The following TBCD variants were observed in gnomAD, a reference collection of about 807,000 sequenced individuals.
TBCD encodes tubulin-specific chaperone D.
Under a neutral mutation model 169.3 loss-of-function variants are expected in TBCD, and 105 were observed. The observed-to-expected ratio is 0.62, with a 90% CI of 0.53 to 0.73. TBCD has a LOEUF of 0.73. TBCD is among the 30% of genes least tolerant of loss of function. TBCD has a pLI of 0.00. For synonymous variants in TBCD, 700 were observed against 643.9 expected (o/e 1.09, Z -1.32); for missense variants, 1,444 against 1,600.1 (o/e 0.90, Z 1.66).
chr17:82,882,922 G>A (rs1231371797), intron 14 of TBCD, among the ~76,000 whole-genome samples: 1 of 152,146 alleles, frequency 6.6e-6, no homozygotes, highest in Admixed American at 6.5e-5. Flanking sequence ...GCGCTGCCAG[G>A]CTGGAGCGGG....
chr17:82,907,925 T>G, intron 21 of TBCD, 104 bp downstream of exon 21: 1 of 1,245,406 alleles, frequency 8.0e-7, no homozygotes, highest in Non-Finnish European at 1.1e-6. Context: ...TGGTGGCCAC[T>G]GTGCTCCATC....
chr17:82,850,531 T>C (rs959932501), intron 13 of TBCD, among the ~76,000 whole-genome samples: 3 of 98,838 alleles, frequency 3.0e-5, no homozygotes, highest in Non-Finnish European at 7.4e-5. Flanking sequence ...TTGGCTGTGC[T>C]GTTGTTAGCT....
At chr17:82,863,628 C>T (rs1300593607) in intron 13 of TBCD, among the ~76,000 whole-genome samples, 1 of 152,146 alleles carries the variant, frequency 6.6e-6, no homozygotes, top group African/African-American at 2.4e-5. Context: ...GGACCCAGTG[C>T]CCTCCCAAAA....
chr17:82,797,669 A>C (rs1312213440), intron 7 of TBCD, 88 bp from the exon 8 acceptor site: 6 of 982,574 alleles, frequency 6.1e-6, no homozygotes, highest in Middle Eastern at 2.3e-4. Flanking sequence ...ATTCTGAAAG[A>C]TGTGATGAAT....
At position 82,920,631 on chromosome 17, in the gene TBCD, G is replaced by C. The variant is rs766258155; in HGVS notation, c.2101+13G>C. 5 of 1,538,126 alleles carry C rather than the reference G, an allele frequency of 3.3e-6. No individual in the cohort carries two copies. The highest frequency in any genetic ancestry group is 4.4e-6 in the Non-Finnish European group (5 of 1,141,756). ...GACACCGTAATTGGTAAGTGCTTTTGTTTTTAATAATAGCATTTTCTTACA... is the reference window on the plus strand; with the variant it reads ...GACACCGTAATTGGTAAGTGCTTTTCTTTTTAATAATAGCATTTTCTTACA... On this transcript the variant is annotated intron_variant, in intron 24 of 38. Coordinates refer to ENST00000355528, the MANE Select transcript of TBCD (RefSeq NM_005993.5). This position sits in a 1 kb window ranked among gnomAD's most constrained non-coding sequence, Gnocchi z 4.1.
Position 82,944,999 on chromosome 17 carries a change from T to TTTGA in TBCD, c.*2541_*2544dup. ...TCCCCAAAACTCCTAAAGTGGAAAATTTGATTGACTTGGCCCTGACCAGTG... is the reference window on the plus strand; with the variant it reads ...TCCCCAAAACTCCTAAAGTGGAAAATTTGATTGATTGACTTGGCCCTGACCAGTG... On this transcript the variant is annotated 3_prime_UTR_variant, in exon 39 of 39. Transcript: ENST00000355528. 6.6e-6 allele frequency: 1 copy of TTTGA among 152,286 alleles called. No homozygotes were observed. Among genetic ancestry groups the TTTGA allele is most frequent in the South Asian group, 2.1e-4 (1 of 4,820 alleles). 9.4% of individuals were successfully genotyped at this position (152,286 alleles called of 1,614,324 possible). A position where few individuals can be genotyped will look rare whatever the true frequency, so the allele number is the denominator to read the frequency against.
In TBCD at chr17:82,923,799, TG is replaced by T; in HGVS notation, c.2260+69del. 7.1e-7 allele frequency: 1 copy of T among 1,402,138 alleles called. No individual in the cohort carries two copies. The highest frequency in any genetic ancestry group is 9.8e-7 in the Non-Finnish European group (1 of 1,023,548). 86.9% of individuals were successfully genotyped at this position (1,402,138 alleles called of 1,614,324 possible). On this transcript the variant is annotated intron_variant, in intron 26 of 38. Coordinates refer to ENST00000355528, the MANE Select transcript of TBCD (RefSeq NM_005993.5). This position sits in a 1 kb window ranked among gnomAD's most constrained non-coding sequence, Gnocchi z 4.6. ...CAGCAGGAAGCTGCTGGGGAGTGTC[TG>T]GGCACGGAGGAGGCCTCGGTTGTGC...
chr17:82,916,230 A>G (rs896213417), intron 23 of TBCD, among the ~76,000 whole-genome samples: 13 of 151,942 alleles, frequency 8.6e-5, no homozygotes, highest in African/African-American at 2.9e-4. Context: ...GTTTATACCA[A>G]AATGGCTTTT....
intron 9 of TBCD, among the ~76,000 whole-genome samples, chr17:82,803,227 C>G (rs934052749): frequency 6.6e-6 from 1 of 152,170 alleles, no homozygotes. Flanking sequence ...CAGCTCTTTT[C>G]CTCCAGGGAT....
Position 82,942,557 on chromosome 17 carries a change from C to G in TBCD, c.*94C>G. On this transcript the variant is annotated 3_prime_UTR_variant, in exon 39 of 39. Coordinates refer to ENST00000355528, the MANE Select transcript of TBCD (RefSeq NM_005993.5). ...TGGAAAGCCTCGCACAGTGGTGCCTCCAGCTGTTGAAGGGTAGCGCTGGCC... is the reference window on the plus strand; with the variant it reads ...TGGAAAGCCTCGCACAGTGGTGCCTGCAGCTGTTGAAGGGTAGCGCTGGCC... The G allele has an allele frequency of 6.4e-7, 1 of 1,569,860 alleles. No individual in the cohort carries two copies. Among genetic ancestry groups the G allele is most frequent in the South Asian group, 1.1e-5 (1 of 89,272 alleles).
chr17:82,760,457 T>C (rs1264964668), intron 2 of TBCD, among the ~76,000 whole-genome samples: 1 of 152,150 alleles, frequency 6.6e-6, no homozygotes, highest in Non-Finnish European at 1.5e-5. Context: ...CCTGGAGACT[T>C]TTTTTTAGGT....
intron 34 of TBCD, among the ~76,000 whole-genome samples, chr17:82,933,272 T>C (rs532365594): frequency 1.6e-4 from 19 of 119,232 alleles, no homozygotes; most frequent in South Asian, 3.8e-4. Flanking sequence ...GTTGGGCCAG[T>C]CTTTTTTTTT....
chr17:82,849,937 G>GCTGTGCTGTTGTTGC (rs2055520243), intron 13 of TBCD, among the ~76,000 whole-genome samples: 1 of 150,256 alleles, frequency 6.7e-6, no homozygotes, highest in African/African-American at 2.5e-5. Context: ...TTTGCTGTTG[G>GCTGTGCTGTTGTTGC]CTGTGCTGTT....
In TBCD at chr17:82,880,193, C is replaced by T. The variant is rs2146172257; in HGVS notation, c.1476-3952C>T. Among the ~76,000 whole-genome samples, 1 of 152,280 alleles carries T rather than the reference C, an allele frequency of 6.6e-6. No homozygotes were observed. Among genetic ancestry groups the T allele is most frequent in the South Asian group, 2.1e-4 (1 of 4,812 alleles). ...TCTCCTTACCTGTCTACTTATCAGT[C>T]TGTCTAGATGGGGTCTCGCTGTGTT... On this transcript the variant is annotated intron_variant, in intron 14 of 38. Coordinates refer to ENST00000355528, the MANE Select transcript of TBCD (RefSeq NM_005993.5). The surrounding 1 kb of genome is among the most constrained non-coding windows in gnomAD (Gnocchi z 5.0).
At chr17:82,900,871 C>T in intron 18 of TBCD, 140 bp downstream of exon 18, 1 of 683,576 alleles carries the variant, frequency 1.5e-6, no homozygotes, top group East Asian at 2.7e-5. Flanking sequence ...ATATGAATTC[C>T]AGTCTTCATG....
At chr17:82,937,463 GT>G in intron 35 of TBCD, 103 bp downstream of exon 35, 2 of 1,000,036 alleles carry the variant, frequency 2.0e-6, no homozygotes, top group Non-Finnish European at 3.1e-6. Flanking sequence ...AGCAGTTAGT[GT>G]TACTCCTCAA....
intron 27 of TBCD, among the ~76,000 whole-genome samples, 172 bp from the exon 28 acceptor site, chr17:82,926,228 G>C (rs560045413): frequency 6.7e-6 from 1 of 150,176 alleles, no homozygotes; most frequent in Admixed American, 6.6e-5. Context: ...CTCTCCCCGG[G>C]TGTCCTTCCT....
At chr17:82,752,982 T>C (rs181664675) in intron 1 of TBCD, among the ~76,000 whole-genome samples, 3 of 152,188 alleles carry the variant, frequency 2.0e-5, no homozygotes, top group African/African-American at 7.2e-5. Context: ...GGGGTGTAGG[T>C]ACCCCTGTGG....
At chr17:82,865,490 C>T (rs1202914836) in intron 13 of TBCD, 6 of 985,360 alleles carry the variant, frequency 6.1e-6, no homozygotes, top group Non-Finnish European at 7.2e-6. Flanking sequence ...GAGGTGCCCA[C>T]GTTTCCACGC....
Sources: gnomAD v4.1 joint callset for allele counts (sites outside exome capture counted in the v4.1 genomes callset) on GRCh38, gnomAD v4.1.1 for gene constraint, Gnocchi (gnomAD v3.1) non-coding constraint, MANE v1.5 for transcripts, NCBI Gene and HGNC (gene_info 2026-07-23, HGNC 2026-07-21) for gene names.